The following TAF4 variants were observed in gnomAD, a reference collection of about 807,000 sequenced individuals.
The protein encoded by TAF4 is TATA-box binding protein associated factor 4, also known as transcription initiation factor TFIID subunit 4.
Under a neutral mutation model 90.3 loss-of-function variants are expected in TAF4, and 9 were observed. That is an observed-to-expected ratio of 0.10 (90% CI 0.06 to 0.17). TAF4 has a LOEUF of 0.17. TAF4 is among the 10% of genes least tolerant of loss of function. The probability of loss-of-function intolerance (pLI) is 1.00; values close to 1 mark genes in which losing one functional copy is unlikely to be tolerated. For synonymous variants in TAF4, 818 were observed against 638.9 expected, an observed-to-expected ratio of 1.28 and a Z score of -4.23; for missense variants, 1,351 against 1,370.7, an observed-to-expected ratio of 0.99 and a Z score of 0.23.
chr20:61,999,439 G>A (rs1234375015), intron 11 of TAF4, among the ~76,000 whole-genome samples: 1 of 152,270 alleles, frequency 6.6e-6, no homozygotes, highest in Admixed American at 6.5e-5. Context: ...AGGGCTAAGT[G>A]TGTTTATTTC....
At chr20:62,001,767 T>C (rs922419612) in intron 9 of TAF4, among the ~76,000 whole-genome samples, 2 of 152,166 alleles carry the variant, frequency 1.3e-5, no homozygotes, top group Non-Finnish European at 2.9e-5. Context: ...CACGTCCACG[T>C]CATGCCCATG....
intron 1 of TAF4, among the ~76,000 whole-genome samples, chr20:62,061,878 C>T (rs536617523): frequency 6.6e-6 from 1 of 152,338 alleles, no homozygotes; most frequent in East Asian, 1.9e-4. Context: ...AATATCATGA[C>T]AGCTACCTAA....
At chr20:61,979,303 TGCTTG>T (rs2055519548) in intron 14 of TAF4, 1 of 152,604 alleles carries the variant, frequency 6.6e-6, no homozygotes, top group Admixed American at 6.5e-5. Flanking sequence ...TCATGGAGCC[TGCTTG>T]GAGAAGAGTG....
intron 1 of TAF4, among the ~76,000 whole-genome samples, chr20:62,061,698 A>G (rs1016742515): frequency 1.3e-5 from 2 of 152,222 alleles, no homozygotes; most frequent in Admixed American, 1.3e-4. Context: ...AGCTGTACAT[A>G]ACTAGTGCTT....
chr20:62,000,076 T>A (rs369194455), intron 11 of TAF4, 48 bp downstream of exon 11: 1 of 1,613,668 alleles, frequency 6.2e-7, no homozygotes, highest in Non-Finnish European at 8.5e-7. Flanking sequence ...CAGCAGAGAG[T>A]GGGGGCCAAC....
At chr20:62,007,808 G>A in intron 5 of TAF4, 172 bp from the exon 6 acceptor site, 1 of 600,574 alleles carries the variant, frequency 1.7e-6, no homozygotes, top group South Asian at 2.0e-5. Context: ...TGTGTGACAG[G>A]CGCTCACCCT....
At position 62,027,017 on chromosome 20, in the gene TAF4, G is replaced by A. The variant is rs28382031; in HGVS notation, c.1361-12310C>T. Among the ~76,000 whole-genome samples, 144 of 152,306 alleles carry A rather than the reference G, an allele frequency of 9.5e-4. 1 individual carries two copies. The East Asian group carries it at 0.024, about 25-fold the overall frequency. On this transcript the variant is annotated intron_variant, in intron 1 of 14. Transcript: ENST00000252996. ...CGACTCAACAGGAATGCTTACCCTCGTGCCTGTGTACAAAAGAGCTACGTG... is the reference window on the plus strand; with the variant it reads ...CGACTCAACAGGAATGCTTACCCTCATGCCTGTGTACAAAAGAGCTACGTG...
intron 1 of TAF4, among the ~76,000 whole-genome samples, chr20:62,022,026 A>G (rs952740506): frequency 6.6e-6 from 1 of 151,992 alleles, no homozygotes; most frequent in African/African-American, 2.4e-5. Context: ...CGGGCCCTCC[A>G]GGCCCGCCAA....
intron 1 of TAF4, among the ~76,000 whole-genome samples, chr20:62,043,389 G>A (rs546221552): frequency 6.6e-6 from 1 of 152,312 alleles, no homozygotes; most frequent in South Asian, 2.1e-4. Flanking sequence ...TACTACAAAA[G>A]AGTCAAAAAG....
At chr20:61,988,554 C>T (rs2055610010) in intron 14 of TAF4, among the ~76,000 whole-genome samples, 2 of 152,140 alleles carry the variant, frequency 1.3e-5, no homozygotes, top group Admixed American at 6.5e-5. Context: ...AAAAAGAAGA[C>T]TTACCCTTAA....
rs1274871789 is a variant in TAF4 at position 62,010,194 on chromosome 20, G to A, written c.1642-29C>T. On this transcript the variant is annotated intron_variant, in intron 3 of 14. Transcript: ENST00000252996. The surrounding 1 kb of genome is among the most constrained non-coding windows in gnomAD (Gnocchi z 4.5). ...CAAGAATCCAAAAACACAAGGTAAG[G>A]GCATCTCACGCCACCAGCTGACGAG... 10 of 1,613,138 alleles carry A rather than the reference G, an allele frequency of 6.2e-6. No homozygotes were observed. Among genetic ancestry groups the A allele is most frequent in the Non-Finnish European group, 8.5e-7 (1 of 1,179,914 alleles).
intron 14 of TAF4, among the ~76,000 whole-genome samples, chr20:61,992,972 G>A (rs371419532): frequency 4.6e-5 from 7 of 151,952 alleles, no homozygotes; most frequent in South Asian, 2.1e-4. Flanking sequence ...ACACTAAAAC[G>A]TAAAACTACT....
intron 11 of TAF4, 102 bp from the exon 12 acceptor site, chr20:61,999,210 C>T: frequency 2.7e-6 from 4 of 1,465,794 alleles, no homozygotes; most frequent in Non-Finnish European, 3.7e-6. Flanking sequence ...CGCCCTCCCT[C>T]CGTCCAGTCT....
intron 1 of TAF4, among the ~76,000 whole-genome samples, chr20:62,049,955 T>A (rs2056017044): frequency 6.6e-6 from 1 of 152,014 alleles, no homozygotes; most frequent in Non-Finnish European, 1.5e-5. Context: ...ACCCAACCTG[T>A]CACGGAGCAC....
intron 14 of TAF4, among the ~76,000 whole-genome samples, chr20:61,993,595 A>C (rs899969960): frequency 6.6e-6 from 1 of 152,208 alleles, no homozygotes; most frequent in African/African-American, 2.4e-5. Flanking sequence ...TCGCTGCACA[A>C]CTGGGGACTG....
At chr20:62,007,675 G>A in intron 5 of TAF4, 39 bp from the exon 6 acceptor site, 1 of 1,549,084 alleles carries the variant, frequency 6.5e-7, no homozygotes, top group Non-Finnish European at 8.8e-7. Context: ...TGGTGAATGA[G>A]ATTCCACACA....
chr20:62,046,500 G>A (rs1343418353), intron 1 of TAF4, among the ~76,000 whole-genome samples: 3 of 152,212 alleles, frequency 2.0e-5, no homozygotes, highest in Non-Finnish European at 4.4e-5. Flanking sequence ...GAATTTTGTA[G>A]ATTCACTGTA....
chr20:62,039,581 G>C (rs143858326), intron 1 of TAF4, among the ~76,000 whole-genome samples: 2 of 152,136 alleles, frequency 1.3e-5, no homozygotes, highest in African/African-American at 4.8e-5. Flanking sequence ...GGCACAGGAC[G>C]AATTCTTAAA....
chr20:62,027,818 G>C (rs556463918), intron 1 of TAF4, among the ~76,000 whole-genome samples: 1 of 152,322 alleles, frequency 6.6e-6, no homozygotes, highest in East Asian at 1.9e-4. Flanking sequence ...GGCACAGCAG[G>C]CATGGCCCAC....
Sources: gnomAD v4.1 joint callset for allele counts (sites outside exome capture counted in the v4.1 genomes callset) on GRCh38, gnomAD v4.1.1 for gene constraint, Gnocchi (gnomAD v3.1) non-coding constraint, MANE v1.5 for transcripts, NCBI Gene and HGNC (gene_info 2026-07-23, HGNC 2026-07-21) for gene names.